The following MBD5 variants were observed in gnomAD, a reference collection of about 807,000 sequenced individuals.
MBD5 encodes the protein methyl-CpG binding domain protein 5.
Under a neutral mutation model 117.3 loss-of-function variants are expected in MBD5, and 13 were observed. The ratio of observed to expected loss-of-function variants is 0.11; its 90% CI spans 0.07 to 0.18. The LOEUF is 0.18. Among genes scored for constraint, MBD5 ranks in the 10% least tolerant of loss-of-function variants. The pLI is 1.00. For missense variants in MBD5, 1,879 were observed against 2,093.8 expected (o/e 0.90, Z 2.00); for synonymous variants, 727 against 766.4 (o/e 0.95, Z 0.85).
chr2:148,265,753 A>T (rs1478106535), intron 3 of MBD5, among the ~76,000 whole-genome samples: 2 of 152,168 alleles, frequency 1.3e-5, no homozygotes, highest in African/African-American at 4.8e-5. Context: ...CAAATTTGAT[A>T]GATGAAAAGT....
At chr2:148,463,963 A>T in intron 7 of MBD5, 44 bp downstream of exon 7, 3 of 1,588,534 alleles carry the variant, frequency 1.9e-6, no homozygotes, top group Non-Finnish European at 2.6e-6. Flanking sequence ...CTCTCCCTAG[A>T]GAAGGAGTTG....
In MBD5 at chr2:148,469,912, C is replaced by T. The variant is rs112334672; in HGVS notation, c.1969C>T (p.Arg657Trp). The change falls in exon 8 of 14, where the codon CGG (arginine) becomes TGG (tryptophan). Residue 657 changes from arginine to tryptophan, a missense_variant. Physicochemically the swap from Arg to Trp is moderately radical, Grantham distance 101 (BLOSUM62 -3). Around this residue, in one of 4 missense-constraint regions of MBD5, gnomAD observed 1,666 missense variants for 1,792.2 expected, o/e 0.93. Coordinates refer to ENST00000642680, the MANE Select transcript of MBD5 (RefSeq NM_001378120.1). ...KLMSQQKDAL[R>W]KRKQPPTTVL... ...GATGTCTCAGCAAAAAGACGCATTG[C>T]GGAAAAGAAAACAACCACCTACGAC... The T allele has an allele frequency of 3.7e-6, 6 of 1,613,910 alleles. No homozygotes were observed. In the East Asian group the frequency reaches 8.9e-5, roughly 24 times the overall value.
At chr2:148,238,877 G>A (rs78228129) in intron 3 of MBD5, among the ~76,000 whole-genome samples, 17,435 of 151,918 alleles carry the variant, frequency 0.11, 1,345 homozygotes, top group Non-Finnish European at 0.18. Flanking sequence ...AATTCAGTAC[G>A]ACCTCATCTT....
chr2:148,485,885 G>A lies in MBD5; in HGVS notation c.3688G>A (p.Gly1230Arg). 6.2e-7 allele frequency: 1 copy of A among 1,614,058 alleles called. No individual in the cohort carries two copies. Among genetic ancestry groups the A allele is most frequent in the Non-Finnish European group, 8.5e-7 (1 of 1,179,982 alleles). ...QGYQNLQAFQ[G>R]QSTIPCPANN... ...GTACCAGAATCTCCAGGCGTTCCAAGGACAGTCCACAATTCCTTGCCCAGC... is the reference window on the plus strand; with the variant it reads ...GTACCAGAATCTCCAGGCGTTCCAAAGACAGTCCACAATTCCTTGCCCAGC... Residue 1230 changes from glycine to arginine, a missense_variant, in exon 10 of 14, where the codon GGA becomes AGA. By Grantham distance (125) the Gly-to-Arg change is moderately radical. Coordinates refer to ENST00000642680, the MANE Select transcript of MBD5 (RefSeq NM_001378120.1).
At chr2:148,041,764 T>C (rs1330498209) in intron 1 of MBD5, among the ~76,000 whole-genome samples, 3 of 152,206 alleles carry the variant, frequency 2.0e-5, no homozygotes, top group Non-Finnish European at 4.4e-5. Flanking sequence ...TCACTGCCTT[T>C]CTTCTGCTTT....
intron 13 of MBD5, 119 bp downstream of exon 13, chr2:148,510,254 C>A: frequency 4.3e-6 from 3 of 701,440 alleles, no homozygotes; most frequent in Non-Finnish European, 2.5e-6. Context: ...AAATTACTAG[C>A]CTAGAAAAAA....
At chr2:148,168,824 G>C (rs1027722298) in intron 1 of MBD5, among the ~76,000 whole-genome samples, 1 of 151,890 alleles carries the variant, frequency 6.6e-6, no homozygotes, top group African/African-American at 2.4e-5. Context: ...AACCTGAGAA[G>C]ATATAAAGAG....
intron 1 of MBD5, among the ~76,000 whole-genome samples, chr2:148,126,124 G>A (rs1323725137): frequency 1.3e-5 from 2 of 152,120 alleles, no homozygotes; most frequent in Non-Finnish European, 2.9e-5. Flanking sequence ...GCTGGGCGCA[G>A]TGGCTCACAC....
At chr2:148,413,633 A>C (rs1705334082) in intron 4 of MBD5, among the ~76,000 whole-genome samples, 1 of 151,460 alleles carries the variant, frequency 6.6e-6, no homozygotes, top group East Asian at 1.9e-4. Context: ...ATTTTTATTA[A>C]TGATTCAATT....
chr2:148,232,793 G>C (rs138162681), intron 2 of MBD5, among the ~76,000 whole-genome samples: 236 of 152,072 alleles, frequency 1.6e-3, no homozygotes, highest in African/African-American at 5.3e-3. Flanking sequence ...GCTATGAATT[G>C]ATAATCTAAA....
At chr2:148,218,184 C>T (rs917270411) in intron 2 of MBD5, among the ~76,000 whole-genome samples, 4 of 152,036 alleles carry the variant, frequency 2.6e-5, no homozygotes, top group Admixed American at 2.6e-4. Context: ...TTAGCCCTAC[C>T]ACTGGATGAG....
chr2:148,182,252 T>G (rs985907158), intron 2 of MBD5, among the ~76,000 whole-genome samples: 1 of 152,196 alleles, frequency 6.6e-6, no homozygotes, highest in African/African-American at 2.4e-5. Flanking sequence ...TATTGAACCT[T>G]AACAATGCTT....
At chr2:148,314,863 T>C (rs1702123345) in intron 3 of MBD5, among the ~76,000 whole-genome samples, 1 of 152,174 alleles carries the variant, frequency 6.6e-6, no homozygotes, top group South Asian at 2.1e-4. Context: ...TATATATATA[T>C]GGTTATTTTA....
chr2:148,030,164 G>A (rs1370826574), intron 1 of MBD5, among the ~76,000 whole-genome samples: 1 of 151,952 alleles, frequency 6.6e-6, no homozygotes, highest in African/African-American at 2.4e-5. Context: ...CCAGCTGCTT[G>A]GGAGGCTGAG....
At chr2:148,453,385 T>C (rs1706785545) in intron 4 of MBD5, among the ~76,000 whole-genome samples, 1 of 152,076 alleles carries the variant, frequency 6.6e-6, no homozygotes, top group Non-Finnish European at 1.5e-5. Context: ...GGTGGAATTG[T>C]GGCAGGTATC....
chr2:148,122,741 G>A (rs1399746291), intron 1 of MBD5, among the ~76,000 whole-genome samples: 1 of 152,108 alleles, frequency 6.6e-6, no homozygotes, highest in Non-Finnish European at 1.5e-5. Context: ...ATGCTATGTT[G>A]CATTTAAAAT....
At chr2:148,065,360 A>G (rs1471569030) in intron 1 of MBD5, among the ~76,000 whole-genome samples, 1 of 152,142 alleles carries the variant, frequency 6.6e-6, no homozygotes, top group African/African-American at 2.4e-5. Context: ...TTAAGATTGG[A>G]GGAGGCTGGA....
chr2:148,325,739 A>C (rs1356260213), intron 3 of MBD5, among the ~76,000 whole-genome samples: 1 of 151,350 alleles, frequency 6.6e-6, no homozygotes, highest in African/African-American at 2.4e-5. Context: ...TTTCTTTATT[A>C]GTCTTGCTAG....
chr2:148,267,645 T>A (rs994938401), intron 3 of MBD5, among the ~76,000 whole-genome samples: 2 of 152,172 alleles, frequency 1.3e-5, no homozygotes, highest in Non-Finnish European at 2.9e-5. Context: ...TGGATATTTT[T>A]ATATTTTTAC....
Sources: allele counts gnomAD v4.1 joint callset (sites outside exome capture counted in the v4.1 genomes callset), GRCh38; gene constraint gnomAD v4.1.1; regional missense constraint gnomAD v4.1.1; transcripts MANE v1.5; gene names NCBI Gene and HGNC (gene_info 2026-07-23, HGNC 2026-07-21).